Variants in LDB2 observed in about 807,000 individuals in gnomAD.
LDB2 encodes LIM domain binding 2.
Under a neutral mutation model 44.3 loss-of-function variants are expected in LDB2, and 12 were observed. That is an observed-to-expected ratio of 0.27 (90% CI 0.17 to 0.44). The LOEUF (loss-of-function observed/expected upper bound fraction) is 0.44. Among genes scored for constraint, LDB2 ranks in the 20% least tolerant of loss-of-function variants. LDB2 has a pLI of 1.00. For missense variants in LDB2, 344 were observed against 473.5 expected, an observed-to-expected ratio of 0.73 and a Z score of 2.54; for synonymous variants, 164 against 174.8, an observed-to-expected ratio of 0.94 and a Z score of 0.49.
intron 2 of LDB2, among the ~76,000 whole-genome samples, chr4:16,748,693 A>G (rs1291919911): frequency 6.6e-6 from 1 of 152,166 alleles, no homozygotes; most frequent in Non-Finnish European, 1.5e-5. Context: ...ACTCCACTAA[A>G]CCAAAATATC....
chr4:16,554,062 T>G (rs1040343120), intron 5 of LDB2, among the ~76,000 whole-genome samples: 1 of 151,890 alleles, frequency 6.6e-6, no homozygotes, highest in Non-Finnish European at 1.5e-5. Context: ...TTTTTTTTTT[T>G]TTTTTGAGAT....
intron 2 of LDB2, among the ~76,000 whole-genome samples, chr4:16,685,362 C>T (rs553546798): frequency 4.6e-5 from 7 of 152,274 alleles, no homozygotes; most frequent in African/African-American, 1.7e-4. Context: ...ATACCTTTTA[C>T]ATCTCTCAAG....
At chr4:16,780,982 G>A (rs1281318196) in intron 1 of LDB2, among the ~76,000 whole-genome samples, 3 of 152,066 alleles carry the variant, frequency 2.0e-5, no homozygotes, top group African/African-American at 7.2e-5. Context: ...CCCATGTTTT[G>A]AATCCTTCTG....
chr4:16,712,706 C>T (rs1756182888), intron 2 of LDB2, among the ~76,000 whole-genome samples: 1 of 152,288 alleles, frequency 6.6e-6, no homozygotes, highest in East Asian at 1.9e-4. Context: ...CATACAATCA[C>T]AACTACTGGA....
At chr4:16,616,541 G>C (rs541768600) in intron 2 of LDB2, among the ~76,000 whole-genome samples, 2 of 152,174 alleles carry the variant, frequency 1.3e-5, no homozygotes, top group African/African-American at 4.8e-5. Context: ...AGAGTGAGGA[G>C]ATGGAAACAG....
At chr4:16,836,932 G>C (rs1170515757) in intron 1 of LDB2, among the ~76,000 whole-genome samples, 1 of 152,078 alleles carries the variant, frequency 6.6e-6, no homozygotes, top group Non-Finnish European at 1.5e-5. Flanking sequence ...ATTTAATTCT[G>C]GAGATTTTAA....
At chr4:16,773,916 A>G (rs1771264658) in intron 1 of LDB2, among the ~76,000 whole-genome samples, 1 of 149,606 alleles carries the variant, frequency 6.7e-6, no homozygotes, top group Non-Finnish European at 1.5e-5. Context: ...GCACTTTGGG[A>G]GGCCAAGAAA....
chr4:16,604,478 C>T (rs1049981377), intron 2 of LDB2, among the ~76,000 whole-genome samples: 2 of 149,184 alleles, frequency 1.3e-5, no homozygotes, highest in Non-Finnish European at 3.0e-5. Flanking sequence ...TATATATATT[C>T]TTATATATAT....
chr4:16,652,801 G>A (rs148349557), intron 2 of LDB2, among the ~76,000 whole-genome samples: 90 of 152,220 alleles, frequency 5.9e-4, no homozygotes, highest in African/African-American at 2.0e-3. Flanking sequence ...AGTCATTCAC[G>A]CAGCTCCCCC....
At chr4:16,517,080 AG>A (rs1724024459) in intron 5 of LDB2, among the ~76,000 whole-genome samples, 1 of 152,214 alleles carries the variant, frequency 6.6e-6, no homozygotes, top group African/African-American at 2.4e-5. Flanking sequence ...AAATGAAATC[AG>A]GAAGCAGGTT....
At chr4:16,856,959 A>G (rs1789472087) in intron 1 of LDB2, among the ~76,000 whole-genome samples, 1 of 152,222 alleles carries the variant, frequency 6.6e-6, no homozygotes, top group African/African-American at 2.4e-5. Flanking sequence ...GTCTTTCCTT[A>G]TACAGATTCC....
chr4:16,544,960 C>T (rs984731736), intron 5 of LDB2, among the ~76,000 whole-genome samples: 2 of 151,934 alleles, frequency 1.3e-5, no homozygotes, highest in African/African-American at 2.4e-5. Flanking sequence ...ATGTGTGCGC[C>T]GAATCCTGAG....
At chr4:16,730,217 T>C (rs1169057550) in intron 2 of LDB2, among the ~76,000 whole-genome samples, 1 of 152,134 alleles carries the variant, frequency 6.6e-6, no homozygotes, top group East Asian at 1.9e-4. Flanking sequence ...ATTCCCAGAG[T>C]CCATCCCTTT....
At chr4:16,567,367 AGTGT>A (rs752692367) in intron 5 of LDB2, among the ~76,000 whole-genome samples, 48 of 83,242 alleles carry the variant, frequency 5.8e-4, no homozygotes, top group African/African-American at 7.5e-4. Context: ...GCAGACATAG[AGTGT>A]GTGTGTGTGT....
chr4:16,822,918 C>T (rs1004466922), intron 1 of LDB2, among the ~76,000 whole-genome samples: 1 of 152,138 alleles, frequency 6.6e-6, no homozygotes, highest in Non-Finnish European at 1.5e-5. Context: ...ACTTGCAGGA[C>T]CCCAATTAAG....
intron 2 of LDB2, among the ~76,000 whole-genome samples, chr4:16,608,679 C>T (rs1487691321): frequency 6.6e-6 from 1 of 152,168 alleles, no homozygotes; most frequent in Non-Finnish European, 1.5e-5. Context: ...CGCCATTATC[C>T]CATCATTCTT....
chr4:16,612,183 T>C (rs1298403248), intron 2 of LDB2, among the ~76,000 whole-genome samples: 2 of 151,988 alleles, frequency 1.3e-5, no homozygotes, highest in Non-Finnish European at 2.9e-5. Flanking sequence ...AAACAGACAA[T>C]GTACCAGAAT....
At chr4:16,739,997 G>A (rs1373323907) in intron 2 of LDB2, among the ~76,000 whole-genome samples, 1 of 151,430 alleles carries the variant, frequency 6.6e-6, no homozygotes, top group African/African-American at 2.4e-5. Flanking sequence ...CAACATAAAA[G>A]TATCTGTTCA....
rs758187697 is a variant in LDB2 at position 16,898,405 on chromosome 4, C to T, written c.81G>A (p.Gln27=). The T allele has an allele frequency of 1.7e-5, 28 of 1,613,690 alleles. No homozygotes were observed. In the South Asian group the frequency reaches 2.7e-4, roughly 16 times the overall value. The change falls in exon 1 of 8, where the codon CAG becomes CAA. Residue 27 remains glutamine, a synonymous_variant. Transcript: ENST00000304523. ...TCATCTCATAGATTCGGTACTCTGG[C>T]TGTACCATGTATGGTGTATGCCTCC... ...FYRRHTPYMV[Q]PEYRIYEMNK... is the part of the protein sequence containing the mutation.
Sources: allele counts gnomAD v4.1 joint callset (sites outside exome capture counted in the v4.1 genomes callset), GRCh38; gene constraint gnomAD v4.1.1; transcripts MANE v1.5; gene names NCBI Gene and HGNC (gene_info 2026-07-23, HGNC 2026-07-21).